The following DGKG variants were observed in gnomAD, a reference collection of about 807,000 sequenced individuals.
DGKG encodes the protein diacylglycerol kinase gamma.
A neutral mutation model predicts 105.3 loss-of-function variants in DGKG; 78 were observed. The observed-to-expected ratio is 0.74, with a 90% CI of 0.62 to 0.89. The LOEUF is 0.89. Ranked by LOEUF, DGKG falls within the 40% of genes least tolerant of loss-of-function variation. DGKG has a pLI of 0.00. For synonymous variants in DGKG, 346 were observed against 367.1 expected (o/e 0.94, Z 0.66); for missense variants, 958 against 1,020.1 (o/e 0.94, Z 0.83).
rs35545745 is a variant in DGKG, at chr3:186,298,069, C to T, written c.305G>A (p.Ser102Asn). 344 of 1,609,018 alleles carry T rather than the reference C, an allele frequency of 2.1e-4. 1 individual carries two copies. Among genetic ancestry groups the T allele is most frequent in the Non-Finnish European group, 5.6e-5 (66 of 1,177,816 alleles). The change falls in exon 4 of 25, where the codon AGC becomes AAC. Residue 102 changes from serine (S) to asparagine (N), a missense_variant. This residue lies in a region of DGKG where 643 missense variants were observed against 619.5 expected (regional missense o/e 1.04). Transcript: ENST00000265022. ...TEGASNSEAN[S>N]ADTNIQNADN... Reference sequence around the variant, plus strand: ...TTGGGGAAAGCTCTGTGTACCTGCGCTGTTGGCCTCACTGTTGCTGGCTCC... The same window carrying T: ...TTGGGGAAAGCTCTGTGTACCTGCGTTGTTGGCCTCACTGTTGCTGGCTCC...
intron 5 of DGKG, among the ~76,000 whole-genome samples, 197 bp from the exon 6 acceptor site, chr3:186,289,077 C>G (rs1723198402): frequency 6.6e-6 from 1 of 152,084 alleles, no homozygotes; most frequent in African/African-American, 2.4e-5. Context: ...TGAAGGGATC[C>G]CATGCTGACC....
chr3:186,237,801 A>T (rs1720487901), intron 20 of DGKG, among the ~76,000 whole-genome samples: 1 of 152,152 alleles, frequency 6.6e-6, no homozygotes, highest in Non-Finnish European at 1.5e-5. Context: ...GACTTTTGTT[A>T]GTTGACTTGG....
intron 22 of DGKG, among the ~76,000 whole-genome samples, chr3:186,183,736 C>T (rs1328436679): frequency 6.7e-6 from 1 of 150,148 alleles, no homozygotes; most frequent in African/African-American, 2.5e-5. Flanking sequence ...TGAAGTTTCG[C>T]TCTTGTTGCC....
At chr3:186,184,586 G>C (rs1560084953) in intron 22 of DGKG, among the ~76,000 whole-genome samples, 2 of 152,118 alleles carry the variant, frequency 1.3e-5, no homozygotes, top group Non-Finnish European at 2.9e-5. Flanking sequence ...TTTTAGTAGA[G>C]ATGGGGTTTC....
chr3:186,192,117 C>T (rs1444964408), intron 21 of DGKG, among the ~76,000 whole-genome samples: 6 of 152,172 alleles, frequency 3.9e-5, no homozygotes, highest in African/African-American at 9.7e-5. Flanking sequence ...AAGTCATTCT[C>T]CTGCCTTGGA....
chr3:186,250,388 C>T (rs1016869055), intron 19 of DGKG, among the ~76,000 whole-genome samples: 2 of 151,952 alleles, frequency 1.3e-5, no homozygotes, highest in Non-Finnish European at 2.9e-5. Context: ...GGCTTAGTAC[C>T]TAGGTGAAGG....
chr3:186,339,062 T>C (rs1444404218), intron 1 of DGKG, among the ~76,000 whole-genome samples: 1 of 152,242 alleles, frequency 6.6e-6, no homozygotes, highest in Non-Finnish European at 1.5e-5. Flanking sequence ...CCAGAAATTA[T>C]AGAGGACTTA....
intron 5 of DGKG, 125 bp from the exon 6 acceptor site, chr3:186,289,005 G>C (rs1578782272): frequency 1.0e-6 from 1 of 975,076 alleles, no homozygotes; most frequent in East Asian, 2.6e-5. Context: ...CAAAAGCTTT[G>C]GTTACATAGA....
chr3:186,321,524 G>T (rs1560153811), intron 1 of DGKG, among the ~76,000 whole-genome samples: 1 of 152,154 alleles, frequency 6.6e-6, no homozygotes, highest in South Asian at 2.1e-4. Context: ...GCATGGTTGG[G>T]AAGCCACCAA....
intron 20 of DGKG, among the ~76,000 whole-genome samples, chr3:186,229,245 C>CT (rs536690937): frequency 0.25 from 36,800 of 144,576 alleles, 5,321 homozygotes; most frequent in African/African-American, 0.42. Flanking sequence ...AGACTTGTAG[C>CT]TTTTTTTTTT....
In DGKG at chr3:186,147,557, AGTT is replaced by A; in HGVS notation, c.*2530_*2532del. ...CAAACTGGAAGTGCAATTCCACTGA[AGTT>A]GTTATACTCCATGCCTCTAAGAAGG... On this transcript the variant is annotated 3_prime_UTR_variant, in exon 25 of 25. Coordinates refer to ENST00000265022, the MANE Select transcript of DGKG (RefSeq NM_001346.3). 1.0e-6 allele frequency: 1 copy of A among 985,388 alleles called. No homozygotes were observed. The highest frequency in any genetic ancestry group is 1.2e-6 in the Non-Finnish European group (1 of 829,912). The allele number at this position is 985,388 out of a possible 1,614,324, so 61.0% of individuals were successfully genotyped here. A position where few individuals can be genotyped will look rare whatever the true frequency, so the allele number is the denominator to read the frequency against.
chr3:186,257,653 T>A, intron 17 of DGKG: 3 of 521,680 alleles, frequency 5.8e-6, no homozygotes, highest in Non-Finnish European at 6.9e-6. Context: ...ACCTCCGTAT[T>A]GGAGGGAATC....
At chr3:186,326,826 T>C (rs1725368023) in intron 1 of DGKG, among the ~76,000 whole-genome samples, 2 of 152,188 alleles carry the variant, frequency 1.3e-5, no homozygotes, top group South Asian at 4.1e-4. Flanking sequence ...TATCCACTGA[T>C]TCTTTTTCAG....
At chr3:186,316,992 T>G (rs1190764920) in intron 2 of DGKG, among the ~76,000 whole-genome samples, 1 of 152,208 alleles carries the variant, frequency 6.6e-6, no homozygotes, top group Non-Finnish European at 1.5e-5. Flanking sequence ...CGAACAACAG[T>G]AGCAGAGTGC....
intron 20 of DGKG, among the ~76,000 whole-genome samples, chr3:186,212,602 A>G (rs1719087291): frequency 6.6e-6 from 1 of 151,680 alleles, no homozygotes; most frequent in South Asian, 2.1e-4. Flanking sequence ...AATTTTCAGC[A>G]TTTTCCTTGA....
chr3:186,301,702 T>G (rs1235830116), intron 3 of DGKG, among the ~76,000 whole-genome samples: 3 of 152,236 alleles, frequency 2.0e-5, no homozygotes, highest in Non-Finnish European at 4.4e-5. Flanking sequence ...ACTGTGTTCT[T>G]ACACTATACA....
At chr3:186,263,573 ACAAG>A (rs60417496) in intron 14 of DGKG, among the ~76,000 whole-genome samples, 46,962 of 151,128 alleles carry the variant, frequency 0.31, 7,591 homozygotes, top group Admixed American at 0.39. Flanking sequence ...ATCTCAAAAA[ACAAG>A]CAAGCAAGCA....
At position 186,237,251 on chromosome 3, in the gene DGKG, C is replaced by T. The variant is rs73885804; in HGVS notation, c.1826+5253G>A. On this transcript the variant is annotated intron_variant, in intron 20 of 24. Transcript: ENST00000265022. The stretch of plus-strand genomic sequence containing the variant: ...TTTTTATTAATTCCTCTGTCCTTGC[C>T]AGGGCCACCTCATAGGTGTGAGATG... Among the ~76,000 whole-genome samples the T allele has an allele frequency of 9.2e-3, 1,399 of 152,274 alleles. 24 individuals are homozygous for T. The highest frequency in any genetic ancestry group is 0.031 in the African/African-American group (1,306 of 41,528).
Position 186,284,299 on chromosome 3 carries a change from T to A in DGKG, c.594+361A>T, listed in dbSNP as rs957787892. On this transcript the variant is annotated intron_variant, in intron 7 of 24. Coordinates refer to ENST00000265022, the MANE Select transcript of DGKG (RefSeq NM_001346.3). This position sits in a 1 kb window ranked among gnomAD's most constrained non-coding sequence, Gnocchi z 4.0. ...CCTCCTTCCTCGTGCCCTTTTCCCT[T>A]GGTCTTGTTGCCTCCCCCGCCCTCT... Among the ~76,000 whole-genome samples the A allele has an allele frequency of 1.3e-5, 2 of 152,242 alleles. No homozygotes were observed. The highest frequency in any genetic ancestry group is 3.9e-4 in the East Asian group (2 of 5,168).
Sources: gnomAD v4.1 joint callset for allele counts (sites outside exome capture counted in the v4.1 genomes callset) on GRCh38, gnomAD v4.1.1 for gene constraint, gnomAD v4.1.1 regional missense constraint, Gnocchi (gnomAD v3.1) non-coding constraint, MANE v1.5 for transcripts, NCBI Gene and HGNC (gene_info 2026-07-23, HGNC 2026-07-21) for gene names.